Variants in BBS2 observed in about 807,000 individuals in gnomAD.
BBS2 encodes the protein Bardet-Biedl syndrome 2.
A neutral mutation model predicts 83.0 loss-of-function variants in BBS2; 62 were observed. The ratio of observed to expected loss-of-function variants is 0.75; its 90% CI spans 0.61 to 0.92. BBS2 has a LOEUF of 0.92. BBS2 is among the 40% of genes least tolerant of loss of function. The probability of loss-of-function intolerance (pLI) is 0.00; values close to 1 mark genes in which losing one functional copy is unlikely to be tolerated. For synonymous variants in BBS2, 303 were observed against 326.1 expected (o/e 0.93, Z 0.76); for missense variants, 784 against 901.0 (o/e 0.87, Z 1.66).
intron 1 of BBS2, chr16:56,515,984 T>C (rs1964735862): frequency 2.0e-5 from 3 of 152,208 alleles, no homozygotes; most frequent in Non-Finnish European, 4.4e-5. Context: ...AACCAATTCT[T>C]ACAAAGTTTT....
At chr16:56,508,266 G>A (rs951142821) in intron 5 of BBS2, among the ~76,000 whole-genome samples, 1 of 152,184 alleles carries the variant, frequency 6.6e-6, no homozygotes, top group Admixed American at 6.5e-5. Flanking sequence ...GCTTTTATGA[G>A]TGACATGAAG....
rs376306240 is a variant in BBS2, at chr16:56,511,229, G to C, written c.401C>G (p.Pro134Arg). The C allele has an allele frequency of 2.1e-5, 34 of 1,613,882 alleles. No homozygotes were observed. The highest frequency in any genetic ancestry group is 1.6e-4 in the Middle Eastern group (1 of 6,084). The change falls in exon 3 of 17, where the codon CCT (proline) becomes CGT (arginine). Residue 134 changes from proline (P) to arginine (R), a missense_variant. Transcript: ENST00000245157. ...VLGTLGDISSPLAIIGGNCAL... is the reference protein window; with the variant it reads ...VLGTLGDISSRLAIIGGNCAL... ...ACAATTGCCACCAATAATCGCAAGA[G>C]GGGAAGAAATGTCTCCCAATGTCCC...
chr16:56,516,311 T>G (rs1964746731), intron 1 of BBS2, among the ~76,000 whole-genome samples: 1 of 152,166 alleles, frequency 6.6e-6, no homozygotes, highest in Non-Finnish European at 1.5e-5. Context: ...ACAATATAAA[T>G]TCAACTGACC....
At chr16:56,478,683 C>T (rs970113197) in intron 17 of BBS2, 5 of 152,206 alleles carry the variant, frequency 3.3e-5, no homozygotes, top group African/African-American at 1.2e-4. Context: ...AAAGCCAAAT[C>T]TGAATCTTAG....
chr16:56,475,205 A>G (rs1016234779), intron 17 of BBS2, among the ~76,000 whole-genome samples: 3 of 152,204 alleles, frequency 2.0e-5, no homozygotes, highest in African/African-American at 7.2e-5. Context: ...TCCCAGATCT[A>G]TAGATTTTAT....
chr16:56,515,404 G>A (rs1326912855), intron 1 of BBS2, among the ~76,000 whole-genome samples: 3 of 152,166 alleles, frequency 2.0e-5, no homozygotes, highest in Non-Finnish European at 2.9e-5. Flanking sequence ...ATGGGTTTGC[G>A]ATGGGGAATC....
chr16:56,484,380 C>T (rs1242649059), downstream of BBS2: 8 of 186,334 alleles, frequency 4.3e-5, no homozygotes, highest in Non-Finnish European at 6.8e-5. Flanking sequence ...TCAATCAACA[C>T]AAAGTTTAAC....
At chr16:56,505,747 A>G (rs1964403768) in intron 7 of BBS2, among the ~76,000 whole-genome samples, 1 of 152,236 alleles carries the variant, frequency 6.6e-6, no homozygotes, top group African/African-American at 2.4e-5. Context: ...AACACCGCTT[A>G]TAAGACTTAC....
At chr16:56,499,572 T>C in intron 12 of BBS2, 2 of 566,052 alleles carry the variant, frequency 3.5e-6, no homozygotes, top group Non-Finnish European at 6.3e-6. Flanking sequence ...AACTGAGGAT[T>C]GCTCAGATGC....
intron 15 of BBS2, among the ~76,000 whole-genome samples, chr16:56,493,344 T>A (rs1216360720): frequency 2.5e-5 from 3 of 122,424 alleles, no homozygotes; most frequent in African/African-American, 9.5e-5. Flanking sequence ...TGTGATTGCA[T>A]CACTACATTC....
At chr16:56,497,542 T>G (rs1283759908) in intron 14 of BBS2, 15 of 649,780 alleles carry the variant, frequency 2.3e-5, no homozygotes, top group Non-Finnish European at 4.0e-5. Context: ...GCAAGCATGG[T>G]GCTCAGGAGC....
At chr16:56,508,443 C>T (rs1415845030) in intron 5 of BBS2, among the ~76,000 whole-genome samples, 1 of 152,202 alleles carries the variant, frequency 6.6e-6, no homozygotes, top group Non-Finnish European at 1.5e-5. Flanking sequence ...ACAACGTTCA[C>T]AAGCTATTGC....
downstream of BBS2, among the ~76,000 whole-genome samples, chr16:56,480,376 A>AAAAAAAC (rs1555519799): frequency 7.0e-6 from 1 of 142,402 alleles, no homozygotes; most frequent in Non-Finnish European, 1.5e-5. Flanking sequence ...CAAAAAAAAA[A>AAAAAAAC]ACAAAGCTTG....
chr16:56,478,060 AATG>A (rs1279834851), intron 17 of BBS2: 5 of 152,196 alleles, frequency 3.3e-5, no homozygotes, highest in African/African-American at 9.7e-5. Flanking sequence ...CTAATTTTTA[AATG>A]ATGAGATAAA....
chr16:56,505,850 G>C (rs1032486363), intron 7 of BBS2, 100 bp downstream of exon 7: 1 of 901,352 alleles, frequency 1.1e-6, no homozygotes, highest in Admixed American at 1.8e-5. Flanking sequence ...GGAACGAACT[G>C]AAGTTTACAT....
chr16:56,474,846 GC>G (rs1963382519), intron 17 of BBS2: 1 of 1,610,458 alleles, frequency 6.2e-7, no homozygotes, highest in African/African-American at 1.3e-5. Flanking sequence ...GTTCCCATGT[GC>G]CAAGGGGAAC....
downstream of BBS2, among the ~76,000 whole-genome samples, chr16:56,480,376 A>C (rs4784671): frequency 8.4e-3 from 1,194 of 142,266 alleles, 20 homozygotes; most frequent in African/African-American, 0.019. Context: ...CAAAAAAAAA[A>C]ACAAAGCTTG....
intron 12 of BBS2, chr16:56,498,884 A>C (rs965523919): frequency 1.4e-5 from 6 of 442,302 alleles, no homozygotes; most frequent in Non-Finnish European, 2.4e-5. Context: ...GCAATGTACA[A>C]ATGATTCAGG....
chr16:56,489,933 G>A lies in BBS2; in HGVS notation c.1911-4195C>T, dbSNP rs1395686169. 3.3e-5 allele frequency among the ~76,000 whole-genome samples: 5 copies of A among 151,990 alleles called. No individual in the cohort carries two copies. In the East Asian group the frequency reaches 9.7e-4, roughly 29 times the overall value. Reference sequence around the variant, plus strand: ...GAGCCCAGGAGTTCAAGACCAGTCTGGGCAACAGAGCGAGACCCTGGGTCT... The same window carrying A: ...GAGCCCAGGAGTTCAAGACCAGTCTAGGCAACAGAGCGAGACCCTGGGTCT... On this transcript the variant is annotated intron_variant, in intron 15 of 16. Transcript: ENST00000245157.
Sources: gnomAD v4.1 joint callset for allele counts (sites outside exome capture counted in the v4.1 genomes callset) on GRCh38, gnomAD v4.1.1 for gene constraint, MANE v1.5 for transcripts, NCBI Gene and HGNC (gene_info 2026-07-23, HGNC 2026-07-21) for gene names.